The following LCTL variants were observed in gnomAD, a reference collection of about 807,000 sequenced individuals.
The protein encoded by LCTL is lactase like, also known as lactase-like protein.
Under a neutral mutation model 75.8 loss-of-function variants are expected in LCTL, and 76 were observed. That is an observed-to-expected ratio of 1.00 (90% CI 0.83 to 1.21). The LOEUF is 1.21. Ranked by LOEUF, LCTL falls within the 50% of genes most tolerant of loss-of-function variation. The pLI is 0.00. For synonymous variants in LCTL, 271 were observed against 268.8 expected (o/e 1.01, Z -0.08); for missense variants, 670 against 712.4 (o/e 0.94, Z 0.68).
intron 6 of LCTL, among the ~76,000 whole-genome samples, chr15:66,558,685 GTGTTT>G (rs1318175125): frequency 1.6e-4 from 17 of 104,730 alleles, no homozygotes; most frequent in Admixed American, 4.7e-4. Flanking sequence ...GTGTGTGTGT[GTGTTT>G]TTTTTTTTTT....
At position 66,564,732 on chromosome 15, in the gene LCTL, T is replaced by A. The variant is rs1895980718; in HGVS notation, c.226A>T (p.Lys76Ter). ...TCTGCCGTCTCATTCCCAAGCACTT[T>A]CCCCTTCCCACTGTGTGTGAAGACG... The change falls in exon 2 of 13, where the codon AAA becomes TAA. Residue 76 changes from lysine to a stop codon, truncating the protein, a stop_gained. Coordinates refer to ENST00000341509, the Ensembl canonical transcript of LCTL. LOFTEE classifies it high-confidence loss of function. 1 of 1,613,674 alleles carries A rather than the reference T, an allele frequency of 6.2e-7. No individual in the cohort carries two copies. The highest frequency in any genetic ancestry group is 1.3e-5 in the African/African-American group (1 of 74,894).
intron 6 of LCTL, among the ~76,000 whole-genome samples, chr15:66,560,516 C>G (rs973938254): frequency 6.6e-6 from 1 of 152,168 alleles, no homozygotes; most frequent in South Asian, 2.1e-4. Context: ...CTCCACATAC[C>G]TCTGAGCTGG....
intron 8 of LCTL, 32 bp from the exon 10 acceptor site, chr15:66,553,290 G>A: frequency 6.7e-7 from 1 of 1,495,718 alleles, no homozygotes. Flanking sequence ...ATTTAACAAA[G>A]CCTTATTTTC....
chr15:66,548,397 C>A, exon 13 of LCTL: 1 of 551,930 alleles, frequency 1.8e-6, no homozygotes, highest in Non-Finnish European at 3.2e-6. Context: ...ATTGTAGAAC[C>A]TGAAAACAGC....
chr15:66,560,886 G>C, intron 6 of LCTL, 120 bp downstream of exon 7: 2 of 771,110 alleles, frequency 2.6e-6, no homozygotes, highest in Non-Finnish European at 4.2e-6. Context: ...CAGAAGGGAA[G>C]GTGCTATGGA....
At chr15:66,560,948 C>G in intron 6 of LCTL, 58 bp downstream of exon 7, 1 of 1,516,684 alleles carries the variant, frequency 6.6e-7, no homozygotes, top group Non-Finnish European at 9.1e-7. Flanking sequence ...GGCTAGAGCC[C>G]CTGGGGCAGG....
chr15:66,564,980 GGAGTGT>G, intron 1 of LCTL, 141 bp from the exon 3 acceptor site: 1 of 795,602 alleles, frequency 1.3e-6, no homozygotes, highest in Non-Finnish European at 2.0e-6. Context: ...TGTCTTCCTA[GGAGTGT>G]GAGCACATGA....
At chr15:66,558,717 A>G (rs182239466) in intron 6 of LCTL, among the ~76,000 whole-genome samples, 2 of 126,688 alleles carry the variant, frequency 1.6e-5, no homozygotes, top group East Asian at 2.6e-4. Context: ...TTATCTTGAG[A>G]TGGAGTCTCG....
chr15:66,563,532 T>C (rs1382043932), exon 4 of LCTL: 2 of 1,611,468 alleles, frequency 1.2e-6, no homozygotes, highest in Middle Eastern at 2.1e-4. Context: ...CAGATCCCAG[T>C]GGTGCAAGGT....
exon 13 of LCTL, chr15:66,548,561 G>T: frequency 1.2e-6 from 2 of 1,613,414 alleles, no homozygotes; most frequent in Admixed American, 1.7e-5. Context: ...CAGACAGTGG[G>T]TACCACGATC....
At chr15:66,565,372 T>C (rs1309121382) in exon 1 of LCTL, 15 of 1,569,200 alleles carry the variant, frequency 9.6e-6, no homozygotes, top group Non-Finnish European at 1.3e-5. Context: ...TCATGGTGCC[T>C]GGCCCTCCCC....
rs925402021 is a variant in LCTL at position 66,552,724 on chromosome 15, C to T, written c.1197+260G>A. ...AGGGGACATGTACTTTGGTCTTGTTCTTTGCCACATATTCCAGTTTAGGTG... is the reference window on the plus strand; with the variant it reads ...AGGGGACATGTACTTTGGTCTTGTTTTTTGCCACATATTCCAGTTTAGGTG... On this transcript the variant is annotated intron_variant, in intron 9 of 12. Coordinates refer to ENST00000341509, the Ensembl canonical transcript of LCTL. Among the ~76,000 whole-genome samples the T allele has an allele frequency of 1.4e-4, 21 of 146,288 alleles. No individual in the cohort carries two copies. In the East Asian group the frequency reaches 3.1e-3, roughly 21 times the overall value.
At chr15:66,564,637 A>G in intron 2 of LCTL, 39 bp downstream of exon 3, 2 of 1,580,436 alleles carry the variant, frequency 1.3e-6, no homozygotes, top group Non-Finnish European at 1.7e-6. Flanking sequence ...ATGTGTGTGC[A>G]CGCGCGCGCA....
intron 6 of LCTL, 97 bp downstream of exon 7, chr15:66,560,909 G>A (rs979695926): frequency 5.7e-5 from 58 of 1,024,960 alleles, no homozygotes; most frequent in Non-Finnish European, 7.8e-5. Flanking sequence ...ATGCTGACTC[G>A]GAGGTGGAGC....
In LCTL at chr15:66,561,177, C is replaced by A. The variant is rs566794371; in HGVS notation, c.609+10G>T. 4.5e-4 allele frequency: 727 copies of A among 1,614,160 alleles called. 9 individuals are homozygous for A. In the South Asian group the frequency reaches 7.3e-3, roughly 16 times the overall value. On this transcript the variant is annotated intron_variant, in intron 5 of 12. Coordinates refer to ENST00000341509, the Ensembl canonical transcript of LCTL. ...TGTCACATTCTCCCACCTGGAGGGG[C>A]CCTGCTTACCCGAGGATCACTGAAC...
intron 12 of LCTL, chr15:66,549,273 T>C (rs1426682235): frequency 6.6e-6 from 1 of 152,230 alleles, no homozygotes; most frequent in African/African-American, 2.4e-5. Context: ...TTTAGTTTAA[T>C]GGAATATACA....
intron 8 of LCTL, among the ~76,000 whole-genome samples, chr15:66,554,505 G>A (rs1300989503): frequency 6.6e-6 from 1 of 152,158 alleles, no homozygotes; most frequent in Non-Finnish European, 1.5e-5. Context: ...CCTTTGGGAA[G>A]GGAACTGGAA....
chr15:66,561,192 G>C, exon 5 of LCTL: 1 of 1,614,208 alleles, frequency 6.2e-7, no homozygotes, highest in Non-Finnish European at 8.5e-7. Flanking sequence ...CTTACCCGAG[G>C]ATCACTGAAC....
In LCTL at chr15:66,564,015, G is replaced by A; in HGVS notation, c.283-17C>T. The stretch of plus-strand genomic sequence containing the variant: ...GATGTCCTCCTGTGCAGACAGGGGT[G>A]GGGAGACAGGTCACCTGGGCCCTGG... On this transcript the variant is annotated splice_polypyrimidine_tract_variant and intron_variant, in intron 2 of 12. Transcript: ENST00000341509. 6.4e-7 allele frequency: 1 copy of A among 1,567,186 alleles called. No homozygotes were observed.
Sources: allele counts gnomAD v4.1 joint callset (sites outside exome capture counted in the v4.1 genomes callset), GRCh38; gene constraint gnomAD v4.1.1; transcripts MANE v1.5; gene names NCBI Gene and HGNC (gene_info 2026-07-23, HGNC 2026-07-21).